The following CAMTA1 variants were observed in gnomAD, a reference collection of about 807,000 sequenced individuals.
CAMTA1 encodes calmodulin binding transcription activator 1, also known as calmodulin-binding transcription activator 1.
CAMTA1 carries 27 observed loss-of-function variants against 170.9 expected under a neutral mutation model. The observed-to-expected ratio is 0.16, with a 90% CI of 0.12 to 0.22. The LOEUF (loss-of-function observed/expected upper bound fraction) is 0.22. CAMTA1 is among the 10% of genes least tolerant of loss of function. The probability of loss-of-function intolerance (pLI) is 1.00; values close to 1 mark genes in which losing one functional copy is unlikely to be tolerated. For synonymous variants in CAMTA1, 833 were observed against 891.5 expected (o/e 0.93, Z 1.17); for missense variants, 1,619 against 2,217.2 (o/e 0.73, Z 5.42).
chr1:6,861,608 T>C (rs1016250720), intron 3 of CAMTA1, among the ~76,000 whole-genome samples: 2 of 152,142 alleles, frequency 1.3e-5, no homozygotes, highest in Non-Finnish European at 2.9e-5. Flanking sequence ...AGTAGGGAAG[T>C]GTTTAGGAAG....
intron 5 of CAMTA1, among the ~76,000 whole-genome samples, chr1:7,433,188 G>T (rs985941493): frequency 1.3e-5 from 2 of 152,254 alleles, no homozygotes; most frequent in African/African-American, 4.8e-5. Context: ...CCTAAGGCTT[G>T]TGGCTGCCCT....
intron 4 of CAMTA1, among the ~76,000 whole-genome samples, chr1:7,117,657 C>T (rs1256943804): frequency 2.0e-5 from 3 of 152,192 alleles, no homozygotes; most frequent in Non-Finnish European, 4.4e-5. Context: ...TACTGCCTTC[C>T]AGTGTTGAGC....
intron 4 of CAMTA1, among the ~76,000 whole-genome samples, chr1:7,239,783 G>A (rs72641248): frequency 1.3e-5 from 2 of 152,050 alleles, no homozygotes; most frequent in Non-Finnish European, 2.9e-5. Flanking sequence ...TGGAGGCTGG[G>A]AAGTTCAGGA....
At chr1:7,019,361 C>T (rs918243284) in intron 3 of CAMTA1, among the ~76,000 whole-genome samples, 10 of 152,184 alleles carry the variant, frequency 6.6e-5, no homozygotes, top group African/African-American at 2.4e-4. Flanking sequence ...CCAAGACCTT[C>T]CAAAAGAGTG....
chr1:7,537,259 T>A (rs1476842375), intron 6 of CAMTA1, among the ~76,000 whole-genome samples: 1 of 152,190 alleles, frequency 6.6e-6, no homozygotes. Flanking sequence ...ACACCTTTCC[T>A]GTGATCCTTT....
At chr1:7,240,581 G>A (rs1462820437) in intron 4 of CAMTA1, among the ~76,000 whole-genome samples, 3 of 150,824 alleles carry the variant, frequency 2.0e-5, no homozygotes, top group African/African-American at 7.3e-5. Context: ...GAGTGCAGTG[G>A]TGCTATCTCG....
chr1:6,884,739 A>G (rs80043296), intron 3 of CAMTA1, among the ~76,000 whole-genome samples: 1,853 of 152,350 alleles, frequency 0.012, 21 homozygotes, highest in South Asian at 0.033. Context: ...GTGTTGAAGG[A>G]ATAATTACTT....
chr1:7,466,050 CA>C (rs1212275714), intron 5 of CAMTA1, among the ~76,000 whole-genome samples: 1 of 152,176 alleles, frequency 6.6e-6, no homozygotes, highest in Non-Finnish European at 1.5e-5. Flanking sequence ...TCACATGAGT[CA>C]AAGTAATGAA....
intron 3 of CAMTA1, among the ~76,000 whole-genome samples, chr1:7,057,060 C>A (rs1203958775): frequency 4.6e-5 from 7 of 152,178 alleles, no homozygotes; most frequent in African/African-American, 1.4e-4. Context: ...TAGGGCCAGG[C>A]CCTTCTCTCG....
chr1:7,705,240 C>A (rs1017548829), intron 11 of CAMTA1, among the ~76,000 whole-genome samples: 54 of 150,366 alleles, frequency 3.6e-4, no homozygotes, highest in African/African-American at 1.2e-3. Flanking sequence ...TGAGGGGCTG[C>A]AGGGAGGGGT....
At chr1:7,046,099 C>G (rs1431597905) in intron 3 of CAMTA1, among the ~76,000 whole-genome samples, 2 of 152,232 alleles carry the variant, frequency 1.3e-5, no homozygotes, top group East Asian at 3.8e-4. Flanking sequence ...TCTGACCTCT[C>G]TCAGTAGAAG....
At chr1:7,667,060 TG>T (rs1030774667) in intron 9 of CAMTA1, among the ~76,000 whole-genome samples, 2 of 152,108 alleles carry the variant, frequency 1.3e-5, no homozygotes, top group African/African-American at 4.8e-5. Context: ...AGCTAATTTT[TG>T]TATTTTTAGT....
chr1:6,926,423 CTCTTT>C (rs1163215548), intron 3 of CAMTA1, among the ~76,000 whole-genome samples: 1 of 134,252 alleles, frequency 7.4e-6, no homozygotes, highest in Non-Finnish European at 1.6e-5. Flanking sequence ...CTTTTCTTTT[CTCTTT>C]CTTTCTTTTC....
At chr1:7,593,738 G>A (rs566900051) in intron 6 of CAMTA1, among the ~76,000 whole-genome samples, 6 of 147,804 alleles carry the variant, frequency 4.1e-5, no homozygotes, top group East Asian at 2.2e-4. Flanking sequence ...TGATCCACCC[G>A]CCTTGGCCTC....
chr1:6,944,750 A>G (rs747711702), intron 3 of CAMTA1, among the ~76,000 whole-genome samples: 1 of 152,162 alleles, frequency 6.6e-6, no homozygotes, highest in South Asian at 2.1e-4. Context: ...ACAGTCTTTG[A>G]CTTGCCGTGG....
At chr1:7,575,906 C>T (rs2095185754) in intron 6 of CAMTA1, among the ~76,000 whole-genome samples, 1 of 152,156 alleles carries the variant, frequency 6.6e-6, no homozygotes, top group African/African-American at 2.4e-5. Flanking sequence ...TTCCTGCTTC[C>T]CTGGAGACGT....
Position 7,738,324 on chromosome 1 carries a change from A to G in CAMTA1, c.4024A>G (p.Thr1342Ala), listed in dbSNP as rs1312694146. The G allele has an allele frequency of 2.5e-6, 4 of 1,614,036 alleles. No individual in the cohort carries two copies. The African/African-American group carries it at 5.3e-5, about 22-fold the overall frequency. Reference protein sequence around the residue: ...TVQVTGNPKGTSVGKEAAPSQ... With the variant: ...TVQVTGNPKGASVGKEAAPSQ... ...ACAGGTGACTGGAAATCCGAAGGGG[A>G]CCAGTGTAGGAAAGGAGGCAGCACC... Residue 1342 changes from threonine (T) to alanine (A), a missense_variant, in exon 16 of 23, where the codon ACC becomes GCC. Physicochemically the swap from Thr to Ala is moderately conservative, Grantham distance 58. Transcript: ENST00000303635. This position sits in a 1 kb window ranked among gnomAD's most constrained non-coding sequence, Gnocchi z 4.9.
intron 4 of CAMTA1, chr1:7,142,172 C>G (rs762974200): frequency 2.7e-5 from 14 of 517,966 alleles, no homozygotes; most frequent in African/African-American, 2.7e-4. Context: ...TGCCAGCACC[C>G]TCCCAGGCTG....
chr1:6,843,230 A>G (rs1185406098), intron 3 of CAMTA1, among the ~76,000 whole-genome samples: 1 of 152,130 alleles, frequency 6.6e-6, no homozygotes, highest in Non-Finnish European at 1.5e-5. Context: ...TTTTCCTCCC[A>G]TAGTCTGTCT....
Sources: gnomAD v4.1 joint callset for allele counts (sites outside exome capture counted in the v4.1 genomes callset) on GRCh38, gnomAD v4.1.1 for gene constraint, Gnocchi (gnomAD v3.1) non-coding constraint, MANE v1.5 for transcripts, NCBI Gene and HGNC (gene_info 2026-07-23, HGNC 2026-07-21) for gene names.